The following STK3 variants were observed in gnomAD, a reference collection of about 807,000 sequenced individuals.
STK3 encodes serine/threonine-protein kinase 3.
STK3 carries 41 observed loss-of-function variants against 58.0 expected under a neutral mutation model. The ratio of observed to expected loss-of-function variants is 0.71; its 90% confidence interval spans 0.55 to 0.92. The LOEUF (loss-of-function observed/expected upper bound fraction) is 0.92. STK3 is among the 40% of genes least tolerant of loss of function. The pLI, the probability that STK3 is intolerant of heterozygous loss-of-function variation, is 0.00. For synonymous variants in STK3, 170 were observed against 191.0 expected (o/e 0.89, Z 0.91); for missense variants, 479 against 602.7 (o/e 0.79, Z 2.15).
intron 6 of STK3, among the ~76,000 whole-genome samples, chr8:98,646,096 A>C (rs1043494737): frequency 3.9e-5 from 6 of 152,254 alleles, no homozygotes; most frequent in African/African-American, 7.2e-5. Context: ...TGGGAAAATA[A>C]AAAGTCAGCC....
Position 98,428,710 on chromosome 8 carries a change from C to T in STK3, n.483+5417G>A, listed in dbSNP as rs1818282971. 6.2e-7 allele frequency: 1 copy of T among 1,614,232 alleles called. No individual in the cohort carries two copies. The highest frequency in any genetic ancestry group is 8.5e-7 in the Non-Finnish European group (1 of 1,180,048). On this transcript the variant is annotated intron_variant and non_coding_transcript_variant, in intron 3 of 3. Coordinates refer to the STK3 transcript ENST00000517832. This position sits in a 1 kb window ranked among gnomAD's most constrained non-coding sequence, Gnocchi z 6.7. Reference sequence around the variant, plus strand: ...GCCTGGTTCACATTTGAGCTGGTGGCCAGGTTTGCTGTGGCCCCTGACTTC... The same window carrying T: ...GCCTGGTTCACATTTGAGCTGGTGGTCAGGTTTGCTGTGGCCCCTGACTTC...
intron 1 of STK3, among the ~76,000 whole-genome samples, chr8:98,903,423 A>C (rs1418769173): frequency 6.6e-6 from 1 of 152,134 alleles, no homozygotes; most frequent in African/African-American, 2.4e-5. Context: ...CAAATCCCAG[A>C]AGAAAATGCT....
intron 10 of STK3, among the ~76,000 whole-genome samples, chr8:98,460,793 A>C (rs1819905951): frequency 6.6e-6 from 1 of 152,174 alleles, no homozygotes; most frequent in African/African-American, 2.4e-5. Flanking sequence ...AGAAGGTCCA[A>C]GCTTGCTTCA....
intron 4 of STK3, among the ~76,000 whole-genome samples, chr8:98,713,515 T>C (rs1826717788): frequency 6.6e-6 from 1 of 152,080 alleles, no homozygotes; most frequent in Non-Finnish European, 1.5e-5. Context: ...GCAAATAAAC[T>C]AGAAAATCTA....
chr8:98,852,155 G>A (rs79949022), intron 3 of STK3, among the ~76,000 whole-genome samples: 1 of 123,872 alleles, frequency 8.1e-6, no homozygotes, highest in African/African-American at 3.0e-5. Context: ...TTTTTTTTTT[G>A]TAACAGAGTT....
chr8:98,566,526 T>G (rs1812494893), intron 8 of STK3, among the ~76,000 whole-genome samples: 1 of 152,136 alleles, frequency 6.6e-6, no homozygotes, highest in Admixed American at 6.6e-5. Flanking sequence ...AATCTCTCCC[T>G]TAATGTAGCA....
intron 3 of STK3, among the ~76,000 whole-genome samples, chr8:98,419,825 T>C (rs960122467): frequency 1.3e-5 from 2 of 152,174 alleles, no homozygotes; most frequent in East Asian, 1.9e-4. Context: ...AGAGGTGAAG[T>C]CTGCCACTTT....
At chr8:98,888,973 T>C (rs149596952) in intron 1 of STK3, among the ~76,000 whole-genome samples, 1 of 152,180 alleles carries the variant, frequency 6.6e-6, no homozygotes, top group African/African-American at 2.4e-5. Flanking sequence ...GATCTTCTCC[T>C]CGTCCCCACA....
At chr8:98,405,422 T>C (rs1817984388) in intron 3 of STK3, among the ~76,000 whole-genome samples, 1 of 152,180 alleles carries the variant, frequency 6.6e-6, no homozygotes. Flanking sequence ...TAAATGGTGG[T>C]GGTGGTAATA....
chr8:98,680,041 T>C (rs1195634082), intron 6 of STK3, among the ~76,000 whole-genome samples: 4 of 152,204 alleles, frequency 2.6e-5, no homozygotes, highest in Admixed American at 6.5e-5. Flanking sequence ...ATTGTTACTC[T>C]TCTAACTTTT....
At chr8:98,833,228 C>G (rs1180588605) in intron 3 of STK3, among the ~76,000 whole-genome samples, 1 of 152,026 alleles carries the variant, frequency 6.6e-6, no homozygotes, top group African/African-American at 2.4e-5. Flanking sequence ...GGGGAGGGTT[C>G]CAGGTCATAG....
chr8:98,903,558 T>TTCTTC (rs1564093765), intron 1 of STK3, among the ~76,000 whole-genome samples: 2 of 68,832 alleles, frequency 2.9e-5, no homozygotes, highest in Non-Finnish European at 6.4e-5. Flanking sequence ...TTCTTCTTCC[T>TTCTTC]TTTTTTTTTT....
chr8:98,460,552 A>C (rs1223846312), intron 10 of STK3, among the ~76,000 whole-genome samples: 1 of 152,214 alleles, frequency 6.6e-6, no homozygotes, highest in Non-Finnish European at 1.5e-5. Flanking sequence ...CAGGGGCAGA[A>C]TGATATGGTT....
the STK3 span, among the ~76,000 whole-genome samples, chr8:98,361,240 C>T: frequency 2.2e-4 from 34 of 152,166 alleles, no homozygotes; most frequent in Non-Finnish European, 3.5e-4. Context: ...AAGGCCCACA[C>T]ACTCTGCAGA....
chr8:98,492,346 A>C (rs561145602), intron 10 of STK3, among the ~76,000 whole-genome samples: 1 of 152,316 alleles, frequency 6.6e-6, no homozygotes, highest in East Asian at 1.9e-4. Context: ...CAGGATTTAA[A>C]GAGTTTTAAG....
chr8:98,571,496 A>G (rs966859292), intron 8 of STK3, among the ~76,000 whole-genome samples: 4 of 152,182 alleles, frequency 2.6e-5, no homozygotes, highest in Non-Finnish European at 5.9e-5. Flanking sequence ...CCCCACACCC[A>G]TGCTGAGAAT....
At chr8:98,675,473 T>C (rs1823131060) in intron 6 of STK3, among the ~76,000 whole-genome samples, 1 of 152,182 alleles carries the variant, frequency 6.6e-6, no homozygotes, top group Non-Finnish European at 1.5e-5. Flanking sequence ...GGCTGAGCTA[T>C]GGAAAAACAG....
intron 2 of STK3, among the ~76,000 whole-genome samples, chr8:98,771,699 G>C (rs149089610): frequency 6.6e-6 from 1 of 152,070 alleles, no homozygotes; most frequent in African/African-American, 2.4e-5. Context: ...CAAGTAGCTG[G>C]GATTACAGGC....
At chr8:98,874,211 C>T (rs1025115436) in intron 3 of STK3, among the ~76,000 whole-genome samples, 8 of 152,182 alleles carry the variant, frequency 5.3e-5, no homozygotes, top group Admixed American at 1.3e-4. Flanking sequence ...CCAAGACATC[C>T]GCTGTTAGTC....
Sources: allele counts gnomAD v4.1 joint callset (sites outside exome capture counted in the v4.1 genomes callset), GRCh38; gene constraint gnomAD v4.1.1; non-coding constraint Gnocchi (gnomAD v3.1); transcripts MANE v1.5; gene names NCBI Gene and HGNC (gene_info 2026-07-23, HGNC 2026-07-21).